PKHD1: variants seen among roughly 807,000 people sequenced by gnomAD.
PKHD1 encodes PKHD1 ciliary IPT domain containing fibrocystin/polyductin.
In PKHD1, 291 loss-of-function variants were observed where a neutral mutation model predicts 412.0. That is an observed-to-expected ratio of 0.71 (90% CI 0.64 to 0.78). PKHD1 has a LOEUF of 0.78. PKHD1 is among the 30% of genes least tolerant of loss of function. PKHD1 has a pLI of 0.00. For synonymous variants in PKHD1, 1,777 were observed against 1,821.5 expected (o/e 0.98, Z 0.62); for missense variants, 4,825 against 4,950.7 (o/e 0.97, Z 0.76).
chr6:51,670,024 G>T (rs920326189), intron 60 of PKHD1, among the ~76,000 whole-genome samples: 6 of 151,344 alleles, frequency 4.0e-5, no homozygotes, highest in Non-Finnish European at 4.4e-5. Context: ...GTATATTCTG[G>T]TGATTTGGGG....
rs577114748 is a variant in PKHD1 at position 51,773,828 on chromosome 6, C to T, written c.8555-1039G>A. ...TAATCCCAATTAATTAGAACTTAACCAACTGTTTATATCAACATCCACATT... is the reference window on the plus strand; with the variant it reads ...TAATCCCAATTAATTAGAACTTAACTAACTGTTTATATCAACATCCACATT... On this transcript the variant is annotated intron_variant, in intron 54 of 66. Coordinates refer to ENST00000371117, the MANE Select transcript of PKHD1 (RefSeq NM_138694.4). Among the ~76,000 whole-genome samples, 322 of 150,654 alleles carry T rather than the reference C, an allele frequency of 2.1e-3. 2 individuals are homozygous for T. Among genetic ancestry groups the T allele is most frequent in the African/African-American group, 6.8e-3 (281 of 41,324 alleles).
intron 33 of PKHD1, among the ~76,000 whole-genome samples, chr6:52,018,917 A>T (rs1227465006): frequency 6.6e-6 from 1 of 152,048 alleles, no homozygotes; most frequent in Non-Finnish European, 1.5e-5. Context: ...TGTTTGTCTT[A>T]TTGACTTGGA....
intron 60 of PKHD1, among the ~76,000 whole-genome samples, chr6:51,708,106 A>C (rs1461348298): frequency 2.0e-5 from 3 of 152,158 alleles, no homozygotes; most frequent in Non-Finnish European, 1.5e-5. Flanking sequence ...CATATACCTC[A>C]TATTCAATAT....
intron 60 of PKHD1, among the ~76,000 whole-genome samples, chr6:51,686,953 G>C (rs903111266): frequency 6.6e-6 from 1 of 152,168 alleles, no homozygotes; most frequent in Non-Finnish European, 1.5e-5. Flanking sequence ...TCAGAGGCCA[G>C]ATATGAAGTT....
At chr6:51,766,615 A>ATATTTTTATTTTTTTTATTTT (rs562939539) in intron 55 of PKHD1, among the ~76,000 whole-genome samples, 1 of 150,932 alleles carries the variant, frequency 6.6e-6, no homozygotes, top group Non-Finnish European at 1.5e-5. Context: ...TGGTGTATTC[A>ATATTTTTATTTTTTTTATTTT]TATTTTTATT....
At chr6:51,644,427 G>A (rs1769810889) in intron 63 of PKHD1, among the ~76,000 whole-genome samples, 1 of 152,120 alleles carries the variant, frequency 6.6e-6, no homozygotes, top group Non-Finnish European at 1.5e-5. Context: ...GTCTATGATT[G>A]ACTTATGGCT....
intron 48 of PKHD1, among the ~76,000 whole-genome samples, chr6:51,861,257 T>C (rs1428463137): frequency 6.6e-6 from 1 of 152,250 alleles, no homozygotes; most frequent in African/African-American, 2.4e-5. Context: ...AAAGAACTGT[T>C]GAATCCCACA....
At chr6:52,029,239 G>A (rs1017017457) in intron 29 of PKHD1, among the ~76,000 whole-genome samples, 1 of 146,812 alleles carries the variant, frequency 6.8e-6, no homozygotes, top group Non-Finnish European at 1.5e-5. Flanking sequence ...GAAAAAAAAA[G>A]GTCAAGACCT....
chr6:51,747,297 AC>A (rs1364157384), intron 58 of PKHD1, among the ~76,000 whole-genome samples: 1 of 152,188 alleles, frequency 6.6e-6, no homozygotes, highest in Non-Finnish European at 1.5e-5. Flanking sequence ...TCGTTGCTCA[AC>A]CATCTACTAA....
intron 55 of PKHD1, among the ~76,000 whole-genome samples, chr6:51,757,103 C>T (rs1381875140): frequency 6.6e-6 from 1 of 152,176 alleles, no homozygotes; most frequent in Non-Finnish European, 1.5e-5. Context: ...TGCTGTGCGT[C>T]CTGGTTCCCG....
At chr6:51,976,188 C>T (rs1165366476) in intron 35 of PKHD1, among the ~76,000 whole-genome samples, 2 of 152,064 alleles carry the variant, frequency 1.3e-5, no homozygotes, top group African/African-American at 4.8e-5. Context: ...GACATGTGCA[C>T]AGCTATGTTC....
rs745770404 is a variant in PKHD1, at chr6:52,050,157, C to T, written c.2279G>A (p.Arg760His). The T allele has an allele frequency of 1.1e-5, 18 of 1,613,866 alleles. No homozygotes were observed. The highest frequency in any genetic ancestry group is 6.7e-5 in the Admixed American group (4 of 60,000). ...CGTELPLITA[R>H]SVPTEGTEEG... ...CAGGTGTAAAAAAGCCACTCCTTACCGTGCAGTGATGAGCGGGAGCTCCGT... is the reference window on the plus strand; with the variant it reads ...CAGGTGTAAAAAAGCCACTCCTTACTGTGCAGTGATGAGCGGGAGCTCCGT... The change falls in exon 22 of 67, where the codon CGC becomes CAC. Residue 760 changes from arginine (R) to histidine (H), a missense_variant and splice_region_variant. By Grantham distance (29) the Arg-to-His change is conservative. Transcript: ENST00000371117.
chr6:51,967,915 GC>G (rs542289673), intron 35 of PKHD1, among the ~76,000 whole-genome samples: 40 of 152,202 alleles, frequency 2.6e-4, no homozygotes, highest in Non-Finnish European at 5.1e-4. Flanking sequence ...TGACGGCACT[GC>G]CTTCGAAAAC....
intron 61 of PKHD1, among the ~76,000 whole-genome samples, chr6:51,654,098 C>T (rs1229889035): frequency 6.6e-6 from 1 of 152,074 alleles, no homozygotes; most frequent in Non-Finnish European, 1.5e-5. Flanking sequence ...AAACAGGCTA[C>T]CTTTCACTGT....
chr6:51,919,075 G>A lies in PKHD1; in HGVS notation c.6122-6499C>T, dbSNP rs142127642. Among the ~76,000 whole-genome samples the A allele has an allele frequency of 7.7e-3, 1,179 of 152,234 alleles. 12 individuals are homozygous for A. Among genetic ancestry groups the A allele is most frequent in the Middle Eastern group, 0.031 (9 of 294 alleles). The stretch of plus-strand genomic sequence containing the variant: ...TGCAAATATTTTCTCCCATTCTGTA[G>A]GTTGCCTGTTCACTCTCATGATAGT... On this transcript the variant is annotated intron_variant, in intron 37 of 66. Transcript: ENST00000371117.
rs1481558131 is a variant in PKHD1, at chr6:52,071,296, CT to C, written c.603-227del. On this transcript the variant is annotated intron_variant, in intron 8 of 66. Coordinates refer to ENST00000371117, the MANE Select transcript of PKHD1 (RefSeq NM_138694.4). ...AATACCCTAAGCATTTGCCCTAGTG[CT>C]AACTAGTACTACCTTAAGCATTTGG... is the stretch of plus-strand genomic sequence containing the variant. 3.3e-5 allele frequency among the ~76,000 whole-genome samples: 5 copies of C among 151,560 alleles called. No homozygotes were observed. The East Asian group carries it at 9.9e-4, about 30-fold the overall frequency.
chr6:51,710,382 C>T (rs1387651838), intron 60 of PKHD1, among the ~76,000 whole-genome samples: 2 of 151,714 alleles, frequency 1.3e-5, no homozygotes, highest in Admixed American at 6.6e-5. Flanking sequence ...GAACATTTTT[C>T]CATAAATGTA....
intron 36 of PKHD1, among the ~76,000 whole-genome samples, chr6:51,956,882 C>G (rs1479401717): frequency 2.0e-5 from 3 of 151,980 alleles, no homozygotes; most frequent in Non-Finnish European, 4.4e-5. Flanking sequence ...ACAAGGTCAA[C>G]AAGGGGATCA....
chr6:51,797,961 T>C (rs1263153238), intron 52 of PKHD1, among the ~76,000 whole-genome samples: 1 of 152,196 alleles, frequency 6.6e-6, no homozygotes, highest in Non-Finnish European at 1.5e-5. Flanking sequence ...TGTTTTCATA[T>C]TTAGGGCTTC....
Sources: gnomAD v4.1 joint callset for allele counts (sites outside exome capture counted in the v4.1 genomes callset) on GRCh38, gnomAD v4.1.1 for gene constraint, MANE v1.5 for transcripts, NCBI Gene and HGNC (gene_info 2026-07-23, HGNC 2026-07-21) for gene names.